CHKA: variants seen among roughly 807,000 people sequenced by gnomAD.
The protein encoded by CHKA is choline kinase alpha.
Under a neutral mutation model 60.1 loss-of-function variants are expected in CHKA, and 34 were observed. That is an observed-to-expected ratio of 0.57 (90% CI 0.43 to 0.75). The LOEUF is 0.75. CHKA is among the 30% of genes least tolerant of loss of function. CHKA has a pLI of 0.00. For synonymous variants in CHKA, 217 were observed against 223.1 expected (o/e 0.97, Z 0.24); for missense variants, 563 against 561.3 (o/e 1.00, Z -0.03).
chr11:68,060,030 C>CTTTTTTTTT, intron 11 of CHKA, among the ~76,000 whole-genome samples: 1 of 104,848 alleles, frequency 9.5e-6, no homozygotes, highest in African/African-American at 3.9e-5. Context: ...TAGAGTTTCA[C>CTTTTTTTTT]TCTTTTTTTT....
chr11:68,083,106 C>A (rs1204602565), intron 2 of CHKA, among the ~76,000 whole-genome samples: 1 of 152,188 alleles, frequency 6.6e-6, no homozygotes, highest in Non-Finnish European at 1.5e-5. Flanking sequence ...GGGACTGCGT[C>A]TTTTATTGAT....
intron 1 of CHKA, among the ~76,000 whole-genome samples, chr11:68,109,368 C>T (rs1056377676): frequency 2.6e-5 from 4 of 152,108 alleles, no homozygotes; most frequent in Non-Finnish European, 4.4e-5. Context: ...GGATTACAGG[C>T]GTGAGCCACC....
intron 1 of CHKA, among the ~76,000 whole-genome samples, chr11:68,109,449 A>G (rs1467425664): frequency 6.6e-6 from 1 of 152,092 alleles, no homozygotes; most frequent in Admixed American, 6.6e-5. Flanking sequence ...CTCAGGAGAA[A>G]TTATTTTGCC....
intron 1 of CHKA, among the ~76,000 whole-genome samples, chr11:68,113,701 A>C (rs1042469174): frequency 6.6e-6 from 1 of 151,662 alleles, no homozygotes; most frequent in African/African-American, 2.4e-5. Context: ...TCTCAAAACA[A>C]AAACAAAAAA....
intron 11 of CHKA, among the ~76,000 whole-genome samples, chr11:68,056,482 T>C (rs1164532357): frequency 6.6e-6 from 1 of 152,210 alleles, no homozygotes; most frequent in East Asian, 1.9e-4. Flanking sequence ...TCACACCTTT[T>C]TTGTCCAATC....
chr11:68,081,859 A>G, intron 2 of CHKA: 1 of 168,544 alleles, frequency 5.9e-6, no homozygotes, highest in Non-Finnish European at 1.3e-5. Flanking sequence ...CTGCAAGAAC[A>G]GGGAGTGTAA....
At chr11:68,083,058 T>C (rs2134599757) in intron 2 of CHKA, among the ~76,000 whole-genome samples, 1 of 152,268 alleles carries the variant, frequency 6.6e-6, no homozygotes, top group African/African-American at 2.4e-5. Context: ...GCTTTGCGGG[T>C]CGCCTCTTCC....
chr11:68,066,063 G>A (rs1299031500), intron 8 of CHKA, among the ~76,000 whole-genome samples, 169 bp from the exon 9 acceptor site: 2 of 152,166 alleles, frequency 1.3e-5, no homozygotes, highest in African/African-American at 4.8e-5. Flanking sequence ...AGAGACAACA[G>A]GTGGTTGATC....
Position 68,121,126 on chromosome 11 carries a change from G to T in CHKA, c.52C>A (p.Leu18Met). The change falls in exon 1 of 12, where the codon CTG becomes ATG. Residue 18 changes from leucine (L) to methionine (M), a missense_variant. By Grantham distance (15) the Leu-to-Met change is conservative (BLOSUM62 2). Transcript: ENST00000265689. ...CTGCCGCTACCGCAGCTCAGCAGCA[G>T]CCCGAGCGGCGAGGGCTCCGCCTCG... ...GGEAEPSPLG[L>M]LLSCGSGSAA... 8.3e-7 allele frequency: 1 copy of T among 1,206,726 alleles called. No homozygotes were observed. Among genetic ancestry groups the T allele is most frequent in the Non-Finnish European group, 1.0e-6 (1 of 965,132 alleles). The allele number at this position is 1,206,726 out of a possible 1,614,324, so 74.8% of individuals were successfully genotyped here.
intron 1 of CHKA, among the ~76,000 whole-genome samples, chr11:68,105,240 G>A (rs1160531001): frequency 6.6e-6 from 1 of 151,954 alleles, no homozygotes; most frequent in African/African-American, 2.4e-5. Flanking sequence ...CTCTAGGCCG[G>A]ACATGGTGGC....
intron 1 of CHKA, among the ~76,000 whole-genome samples, chr11:68,098,427 C>A (rs1175175827): frequency 2.0e-5 from 3 of 152,044 alleles, no homozygotes; most frequent in African/African-American, 7.2e-5. Context: ...CAAATTACTA[C>A]AAATTTAGTG....
chr11:68,101,943 T>C (rs746856302), intron 1 of CHKA, among the ~76,000 whole-genome samples: 1 of 151,590 alleles, frequency 6.6e-6, no homozygotes, highest in Non-Finnish European at 1.5e-5. Flanking sequence ...CTACTAAAAA[T>C]ACAAAAATTA....
At chr11:68,066,634 T>C in intron 7 of CHKA, 118 bp from the exon 8 acceptor site, 1 of 798,468 alleles carries the variant, frequency 1.3e-6, no homozygotes, top group Non-Finnish European at 2.1e-6. Flanking sequence ...ATGTGGCTTT[T>C]GGTCTGTGGA....
At position 68,121,326 on chromosome 11, in the gene CHKA, G is replaced by GCTGCGGCGACTGCGGCGACTGCGGCGA. The variant is rs900372938; in HGVS notation, c.-150_-149insTCGCCGCAGTCGCCGCAGTCGCCGCAG. On this transcript the variant is annotated 5_prime_UTR_variant, in exon 1 of 12. Transcript: ENST00000265689. ...TTGGGCGCGCGGGGCGGCGGCGGCGGCTGCGGCGACTGCGGCGACTGTGGA... is the reference window on the plus strand; with the variant it reads ...TTGGGCGCGCGGGGCGGCGGCGGCGGCTGCGGCGACTGCGGCGACTGCGGCGACTGCGGCGACTGCGGCGACTGTGGA... 4 of 278,548 alleles carry GCTGCGGCGACTGCGGCGACTGCGGCGA rather than the reference G, an allele frequency of 1.4e-5. No homozygotes were observed. Among genetic ancestry groups the GCTGCGGCGACTGCGGCGACTGCGGCGA allele is most frequent in the African/African-American group, 2.3e-5 (1 of 43,032 alleles). The allele number at this position is 278,548 out of a possible 1,614,324, so 17.3% of individuals were successfully genotyped here.
intron 1 of CHKA, among the ~76,000 whole-genome samples, chr11:68,106,619 T>C (rs1238314853): frequency 6.6e-6 from 1 of 151,748 alleles, no homozygotes; most frequent in Non-Finnish European, 1.5e-5. Flanking sequence ...TGTGCAGACC[T>C]TGGGCAGGCC....
intron 2 of CHKA, among the ~76,000 whole-genome samples, chr11:68,084,247 C>CA (rs1280725198): frequency 4.6e-3 from 340 of 74,210 alleles, no homozygotes; most frequent in Admixed American, 8.1e-3. Context: ...AACTCTGACT[C>CA]AAAAAAAAAA....
At chr11:68,072,069 A>G (rs374660867) in intron 4 of CHKA, among the ~76,000 whole-genome samples, 12 of 152,362 alleles carry the variant, frequency 7.9e-5, no homozygotes, top group African/African-American at 2.9e-4. Context: ...TAATTTGGCA[A>G]CAAGGAAAAT....
intron 1 of CHKA, among the ~76,000 whole-genome samples, chr11:68,101,150 G>A (rs893746308): frequency 1.1e-4 from 17 of 151,648 alleles, no homozygotes; most frequent in African/African-American, 2.4e-4. Flanking sequence ...GGGTTTCACC[G>A]TGTTAGCCAG....
At position 68,064,609 on chromosome 11, in the gene CHKA, A is replaced by G; in HGVS notation, c.1148T>C (p.Leu383Ser). The G allele has an allele frequency of 6.3e-7, 1 of 1,590,912 alleles. No individual in the cohort carries two copies. Among genetic ancestry groups the G allele is most frequent in the South Asian group, 1.2e-5 (1 of 85,876 alleles). ...TTCAAAGTCATTTTGGAATGCAGGC[A>G]AGTAACTGGAAATAAAATGGAGCTT... ...KQQLHFISSY[L>S]PAFQNDFENL... Residue 383 changes from leucine (L) to serine (S), a missense_variant, in exon 10 of 12, where the codon TTG becomes TCG. Transcript: ENST00000265689.
Sources: gnomAD v4.1 joint callset for allele counts (sites outside exome capture counted in the v4.1 genomes callset) on GRCh38, gnomAD v4.1.1 for gene constraint, MANE v1.5 for transcripts, NCBI Gene and HGNC (gene_info 2026-07-23, HGNC 2026-07-21) for gene names.